The following PLCH1 variants were observed in gnomAD, a reference collection of about 807,000 sequenced individuals.
PLCH1 encodes the protein phospholipase C eta 1.
In PLCH1, 60 loss-of-function variants were observed where a neutral mutation model predicts 126.7. The ratio of observed to expected loss-of-function variants is 0.47; its 90% CI spans 0.38 to 0.59. PLCH1 has a LOEUF of 0.59. PLCH1 is among the 20% of genes least tolerant of loss of function. The pLI is 0.00. For missense variants in PLCH1, 1,723 were observed against 2,040.0 expected, an observed-to-expected ratio of 0.84 and a Z score of 2.99; for synonymous variants, 719 against 734.9, an observed-to-expected ratio of 0.98 and a Z score of 0.35.
intron 10 of PLCH1, among the ~76,000 whole-genome samples, chr3:155,544,745 A>T (rs1213699055): frequency 0.019 from 2,878 of 151,562 alleles, 78 homozygotes; most frequent in African/African-American, 0.066. Flanking sequence ...ACTCAAAACC[A>T]CTCAACTACA....
chr3:155,656,000 A>G (rs1343991476), intron 2 of PLCH1, among the ~76,000 whole-genome samples: 1 of 152,188 alleles, frequency 6.6e-6, no homozygotes, highest in African/African-American at 2.4e-5. Flanking sequence ...AGAAAGAACC[A>G]TTGAAACAGC....
rs776611630 is a variant in PLCH1, at chr3:155,497,389, G to A, written c.1825C>T (p.Leu609Phe). Residue 609 changes from leucine to phenylalanine, a missense_variant, in exon 15 of 23, where the codon CTC becomes TTC. Physicochemically the swap from Leu to Phe is conservative, Grantham distance 22 (BLOSUM62 0). Around this residue, in one of 2 missense-constraint regions of PLCH1, gnomAD observed 776 missense variants for 1,062.9 expected, o/e 0.73. Transcript: ENST00000460012. ...RLGRRRKTMK[L>F]CRELSDLVVY... Reference sequence around the variant, plus strand: ...ACCAAATCAGAGAGTTCTCGGCAGAGCTTCATGGTTTTCCTTCGGCGACCC... The same window carrying A: ...ACCAAATCAGAGAGTTCTCGGCAGAACTTCATGGTTTTCCTTCGGCGACCC... The A allele has an allele frequency of 1.9e-6, 3 of 1,613,734 alleles. No individual in the cohort carries two copies. The highest frequency in any genetic ancestry group is 2.5e-6 in the Non-Finnish European group (3 of 1,179,764).
chr3:155,671,493 T>C (rs564331430), intron 2 of PLCH1, among the ~76,000 whole-genome samples: 66 of 152,336 alleles, frequency 4.3e-4, no homozygotes, highest in African/African-American at 1.5e-3. Flanking sequence ...TGTTTATTGA[T>C]ATTAAACTTT....
chr3:155,482,620 T>TAC lies in PLCH1; in HGVS notation c.3404_3405dup (p.Lys1136ValfsTer34). 2 of 1,614,200 alleles carry TAC rather than the reference T, an allele frequency of 1.2e-6. No individual in the cohort carries two copies. The highest frequency in any genetic ancestry group is 1.7e-6 in the Non-Finnish European group (2 of 1,180,030). On this transcript the variant is annotated frameshift_variant, in exon 23 of 23. Transcript: ENST00000460012. LOFTEE classifies it low-confidence loss of function (END_TRUNC). ...GAAAAGGATGTTGCAGCTCGGCCCT[T>TAC]ACCCCTATTACCTTCCAGGTTCTTA...
At position 155,482,775 on chromosome 3, in the gene PLCH1, G is replaced by A. The variant is rs1446898362; in HGVS notation, c.3251C>T (p.Pro1084Leu). The A allele has an allele frequency of 1.2e-6, 2 of 1,614,124 alleles. No individual in the cohort carries two copies. Among genetic ancestry groups the A allele is most frequent in the South Asian group, 2.2e-5 (2 of 91,072 alleles). ...KSLSPKQHLA[P>L]DPVVNPTQDL... is the part of the protein sequence containing the mutation. ...TTGTGTGGGGTTAACTACAGGATCG[G>A]GAGCCAAATGCTGCTTTGGGGAGAG... Residue 1084 changes from proline (P) to leucine (L), a missense_variant, in exon 23 of 23, where the codon CCC becomes CTC. Pro to Leu is a moderately conservative substitution (Grantham distance 98). Transcript: ENST00000460012.
chr3:155,482,688 C>A lies in PLCH1; in HGVS notation c.3338G>T (p.Ser1113Ile). 6.2e-7 allele frequency: 1 copy of A among 1,614,182 alleles called. No individual in the cohort carries two copies. The highest frequency in any genetic ancestry group is 1.1e-5 in the South Asian group (1 of 91,080). The change falls in exon 23 of 23, where the codon AGC (serine) becomes ATC (isoleucine). Residue 1113 changes from serine to isoleucine, a missense_variant. Physicochemically the swap from Ser to Ile is moderately radical, Grantham distance 142. This residue lies in a region of PLCH1 where 947 missense variants were observed against 977.1 expected (regional missense o/e 0.97). Transcript: ENST00000460012. ...GNPEDFVEGKSILSGSVLSHS... is the reference protein window; with the variant it reads ...GNPEDFVEGKIILSGSVLSHS... ...AGAAAGGACGCTTCCTGACAAGATG[C>A]TTTTCCCTTCCACAAAGTCCTCAGG...
At position 155,565,103 on chromosome 3, in the gene PLCH1, A is replaced by G. The variant is rs147237259; in HGVS notation, c.881T>C (p.Met294Thr). Residue 294 changes from methionine to threonine, a missense_variant, in exon 8 of 23, where the codon ATG becomes ACG. By Grantham distance (81) the Met-to-Thr change is moderately conservative (BLOSUM62 -1). Transcript: ENST00000460012. ...AAATATGTCACAGGCAGGACTACGC[A>G]TGAAGTTCGTGAAGCCTTTGGAAGA... ...VLGIEGFTNFMRSPACDIFNP... is the reference protein window; with the variant it reads ...VLGIEGFTNFTRSPACDIFNP... The G allele has an allele frequency of 3.7e-5, 59 of 1,613,224 alleles. No individual in the cohort carries two copies. Among genetic ancestry groups the G allele is most frequent in the Non-Finnish European group, 4.7e-5 (56 of 1,179,290 alleles).
chr3:155,463,502 A>G (rs937660312), intron 21 of PLCH1, among the ~76,000 whole-genome samples: 5 of 152,056 alleles, frequency 3.3e-5, no homozygotes, highest in South Asian at 2.1e-4. Context: ...GGACTAACGT[A>G]GGAGTTGGAA....
At chr3:155,591,733 G>A (rs771110533) in intron 4 of PLCH1, among the ~76,000 whole-genome samples, 1 of 151,972 alleles carries the variant, frequency 6.6e-6, no homozygotes, top group Non-Finnish European at 1.5e-5. Flanking sequence ...AATCTTCAGG[G>A]TTTTTTTGTT....
chr3:155,468,353 C>T (rs189542086), intron 21 of PLCH1, among the ~76,000 whole-genome samples: 3 of 152,140 alleles, frequency 2.0e-5, no homozygotes, highest in South Asian at 2.1e-4. Flanking sequence ...GAAGAGAAGA[C>T]CACAAAACAA....
At chr3:155,463,963 T>C (rs1205717775) in intron 21 of PLCH1, among the ~76,000 whole-genome samples, 1 of 152,170 alleles carries the variant, frequency 6.6e-6, no homozygotes, top group African/African-American at 2.4e-5. Context: ...TGAATGCACA[T>C]GGGTACCAGG....
chr3:155,573,028 A>T (rs775133679), intron 6 of PLCH1, among the ~76,000 whole-genome samples: 2 of 152,174 alleles, frequency 1.3e-5, no homozygotes, highest in Non-Finnish European at 2.9e-5. Context: ...AATTTTAAGC[A>T]AGAGCCACTG....
At position 155,516,911 on chromosome 3, in the gene PLCH1, T is replaced by C. The variant is rs186276813; in HGVS notation, c.1471-2027A>G. ...GGAACAAGTAGAGAGGGGTAGCATA[T>C]GCACACAGAGGAGGCGCAACTTGTC... is the stretch of plus-strand genomic sequence containing the variant. On this transcript the variant is annotated intron_variant, in intron 11 of 22. Coordinates refer to ENST00000460012, the MANE Select transcript of PLCH1 (RefSeq NM_014996.4). 6.4e-4 allele frequency among the ~76,000 whole-genome samples: 97 copies of C among 152,162 alleles called. 1 individual carries two copies. The highest frequency in any genetic ancestry group is 1.5e-4 in the Non-Finnish European group (10 of 68,004).
chr3:155,469,225 T>C (rs1004405682), intron 21 of PLCH1, among the ~76,000 whole-genome samples: 2 of 152,116 alleles, frequency 1.3e-5, no homozygotes, highest in Non-Finnish European at 2.9e-5. Flanking sequence ...GTGCGCACCG[T>C]GTGCGAGCCG....
At chr3:155,651,159 A>G (rs920263543) in intron 2 of PLCH1, among the ~76,000 whole-genome samples, 1 of 152,258 alleles carries the variant, frequency 6.6e-6, no homozygotes, top group African/African-American at 2.4e-5. Context: ...GGAAAAATGT[A>G]GCACCATTTA....
chr3:155,547,225 T>C (rs1277026218), intron 10 of PLCH1, among the ~76,000 whole-genome samples: 18 of 148,476 alleles, frequency 1.2e-4, no homozygotes, highest in South Asian at 2.2e-4. Context: ...AAAAAGTGGG[T>C]GAAGGACATG....
chr3:155,555,576 AG>A (rs1726718821), intron 8 of PLCH1, among the ~76,000 whole-genome samples: 1 of 152,246 alleles, frequency 6.6e-6, no homozygotes, highest in Non-Finnish European at 1.5e-5. Context: ...TATTGTTAAA[AG>A]GACAATGTTG....
chr3:155,556,805 T>C (rs932877751), intron 8 of PLCH1, among the ~76,000 whole-genome samples: 1 of 152,192 alleles, frequency 6.6e-6, no homozygotes, highest in African/African-American at 2.4e-5. Context: ...TCTACAGATT[T>C]CAGATTTGCC....
chr3:155,655,784 AG>A (rs1741288001), intron 2 of PLCH1, among the ~76,000 whole-genome samples: 1 of 152,220 alleles, frequency 6.6e-6, no homozygotes, highest in Admixed American at 6.5e-5. Context: ...CCAAAAAGAA[AG>A]GGTCCCACCC....
Sources: allele counts gnomAD v4.1 joint callset (sites outside exome capture counted in the v4.1 genomes callset), GRCh38; gene constraint gnomAD v4.1.1; regional missense constraint gnomAD v4.1.1; transcripts MANE v1.5; gene names NCBI Gene and HGNC (gene_info 2026-07-23, HGNC 2026-07-21).